Variants in MACROD2 observed in about 807,000 individuals in gnomAD.
MACROD2 encodes the protein ADP-ribose glycohydrolase MACROD2.
Under a neutral mutation model 70.4 loss-of-function variants are expected in MACROD2, and 36 were observed. That is an observed-to-expected ratio of 0.51 (90% CI 0.39 to 0.68). MACROD2 has a LOEUF of 0.68. Ranked by LOEUF, MACROD2 falls within the 30% of genes least tolerant of loss-of-function variation. The pLI is 0.00. For missense variants in MACROD2, 496 were observed against 538.4 expected, an observed-to-expected ratio of 0.92 and a Z score of 0.78; for synonymous variants, 172 against 178.8, an observed-to-expected ratio of 0.96 and a Z score of 0.30.
intron 11 of MACROD2, among the ~76,000 whole-genome samples, chr20:15,934,080 C>G (rs1275149998): frequency 6.6e-6 from 1 of 152,144 alleles, no homozygotes; most frequent in African/African-American, 2.4e-5. Flanking sequence ...CAATCATTCA[C>G]TCACCAACAT....
intron 8 of MACROD2, among the ~76,000 whole-genome samples, chr20:15,766,642 G>A (rs529428011): frequency 2.7e-4 from 41 of 152,158 alleles, no homozygotes; most frequent in African/African-American, 9.9e-4. Context: ...CAAACTTTAT[G>A]GACACAACAA....
intron 3 of MACROD2, among the ~76,000 whole-genome samples, chr20:14,365,318 T>C (rs2083261629): frequency 6.6e-6 from 1 of 151,732 alleles, no homozygotes; most frequent in South Asian, 2.1e-4. Context: ...AAATAAAGCT[T>C]AGAGAAATAA....
intron 5 of MACROD2, among the ~76,000 whole-genome samples, chr20:15,060,123 T>G (rs1240989556): frequency 6.6e-6 from 1 of 152,196 alleles, no homozygotes; most frequent in African/African-American, 2.4e-5. Flanking sequence ...GGGAAGGAGA[T>G]TGCTAGCCTT....
At chr20:15,207,316 G>A (rs916771936) in intron 5 of MACROD2, among the ~76,000 whole-genome samples, 1 of 151,808 alleles carries the variant, frequency 6.6e-6, no homozygotes, top group African/African-American at 2.4e-5. Context: ...CATTCCTGAA[G>A]GATAAGTTTG....
chr20:15,355,639 C>G (rs2078278257), intron 6 of MACROD2, among the ~76,000 whole-genome samples: 2 of 152,154 alleles, frequency 1.3e-5, no homozygotes, highest in Admixed American at 1.3e-4. Context: ...AGTTTCAACT[C>G]TTTAATCATG....
At chr20:14,836,004 A>G (rs923897061) in intron 5 of MACROD2, among the ~76,000 whole-genome samples, 1 of 152,006 alleles carries the variant, frequency 6.6e-6, no homozygotes, top group African/African-American at 2.4e-5. Context: ...TTTGATTCCT[A>G]TTTTTGCTAA....
chr20:15,898,823 C>A (rs899837070), intron 10 of MACROD2, among the ~76,000 whole-genome samples: 1 of 151,666 alleles, frequency 6.6e-6, no homozygotes, highest in Non-Finnish European at 1.5e-5. Context: ...ACCAGCTCAG[C>A]CATGTATTCA....
chr20:14,621,874 TG>T (rs925982142), intron 4 of MACROD2: 48 of 152,284 alleles, frequency 3.2e-4, no homozygotes, highest in African/African-American at 1.2e-3. Flanking sequence ...TGAGCAATAT[TG>T]ACTTTGATGC....
intron 3 of MACROD2, among the ~76,000 whole-genome samples, chr20:14,110,888 T>C (rs2054441509): frequency 6.6e-6 from 1 of 151,934 alleles, no homozygotes; most frequent in Non-Finnish European, 1.5e-5. Context: ...CTAAAATGTA[T>C]ATGGAACCAC....
At chr20:14,510,132 A>G (rs1252229872) in intron 4 of MACROD2, among the ~76,000 whole-genome samples, 1 of 152,004 alleles carries the variant, frequency 6.6e-6, no homozygotes, top group Admixed American at 6.6e-5. Flanking sequence ...TCTGCTTTCT[A>G]TTATCTTAGC....
At chr20:14,930,766 T>TA (rs11474347) in intron 5 of MACROD2, among the ~76,000 whole-genome samples, 1,073 of 71,610 alleles carry the variant, frequency 0.015, 36 homozygotes, top group African/African-American at 0.034. Flanking sequence ...GAGCGTGTCT[T>TA]AAAAAAAAAA....
chr20:15,083,580 C>A (rs540860826), intron 5 of MACROD2, among the ~76,000 whole-genome samples: 1 of 151,294 alleles, frequency 6.6e-6, no homozygotes, highest in East Asian at 1.9e-4. Context: ...TTTATTTTCC[C>A]TCCACATCAA....
intron 3 of MACROD2, among the ~76,000 whole-genome samples, chr20:14,353,924 T>C (rs1477075634): frequency 6.6e-6 from 1 of 152,194 alleles, no homozygotes; most frequent in East Asian, 1.9e-4. Flanking sequence ...AGGAAGGAGA[T>C]ACCTGAAAAA....
chr20:15,271,094 A>G (rs1027744067), intron 6 of MACROD2, among the ~76,000 whole-genome samples: 3 of 152,124 alleles, frequency 2.0e-5, no homozygotes, highest in Non-Finnish European at 4.4e-5. Flanking sequence ...TCTCTCTCTC[A>G]ATTTGTTCTA....
intron 3 of MACROD2, among the ~76,000 whole-genome samples, chr20:14,120,485 C>A (rs1243006671): frequency 6.6e-6 from 1 of 151,668 alleles, no homozygotes; most frequent in Non-Finnish European, 1.5e-5. Context: ...GGATCTAGAA[C>A]CAGAAATACC....
intron 3 of MACROD2, among the ~76,000 whole-genome samples, chr20:14,241,111 G>A (rs930415979): frequency 6.6e-6 from 1 of 151,566 alleles, no homozygotes; most frequent in East Asian, 1.9e-4. Flanking sequence ...GTGAGACTCC[G>A]TCTCAAAAAA....
chr20:14,053,060 G>GTAT (rs1270306684), intron 2 of MACROD2: 1 of 144,286 alleles, frequency 6.9e-6, no homozygotes, highest in Non-Finnish European at 1.5e-5. Flanking sequence ...AGAGAATTTT[G>GTAT]TATTATTTTC....
chr20:14,211,428 T>C (rs182900668), intron 3 of MACROD2, among the ~76,000 whole-genome samples: 319 of 152,336 alleles, frequency 2.1e-3, no homozygotes, highest in African/African-American at 7.1e-3. Context: ...TGTGCATCTT[T>C]ATACATTTTG....
At chr20:14,571,188 A>C (rs1343980695) in intron 4 of MACROD2, among the ~76,000 whole-genome samples, 1 of 152,094 alleles carries the variant, frequency 6.6e-6, no homozygotes, top group Non-Finnish European at 1.5e-5. Flanking sequence ...TGTACTAGAC[A>C]AACAGATATA....
Sources: gnomAD v4.1 joint callset for allele counts (sites outside exome capture counted in the v4.1 genomes callset) on GRCh38, gnomAD v4.1.1 for gene constraint, MANE v1.5 for transcripts, NCBI Gene and HGNC (gene_info 2026-07-23, HGNC 2026-07-21) for gene names.